MYO16: variants seen among roughly 807,000 people sequenced by gnomAD.
The protein encoded by MYO16 is unconventional myosin-XVI.
In MYO16, 94 loss-of-function variants were observed where a neutral mutation model predicts 205.3. The ratio of observed to expected loss-of-function variants is 0.46; its 90% CI spans 0.39 to 0.54. MYO16 has a LOEUF of 0.54. Ranked by LOEUF, MYO16 falls within the 20% of genes least tolerant of loss-of-function variation. The pLI is 0.00. For missense variants in MYO16, 2,315 were observed against 2,387.5 expected (o/e 0.97, Z 0.63); for synonymous variants, 988 against 954.0 (o/e 1.04, Z -0.66).
At chr13:108,574,708 T>TGTGTGTGTGC in the MYO16 span, among the ~76,000 whole-genome samples, 27 of 81,782 alleles carry the variant, frequency 3.3e-4, no homozygotes, top group African/African-American at 7.0e-4. Flanking sequence ...TGTGTGTGTG[T>TGTGTGTGTGC]GCGCTTGTGT....
Position 108,785,647 on chromosome 13 carries a change from G to A in MYO16, c.520G>A (p.Val174Ile), listed in dbSNP as rs774460438. 1.2e-6 allele frequency: 2 copies of A among 1,608,708 alleles called. No homozygotes were observed. Among genetic ancestry groups the A allele is most frequent in the Non-Finnish European group, 1.7e-6 (2 of 1,177,760 alleles). The change falls in exon 5 of 35, where the codon GTC (valine) becomes ATC (isoleucine). Residue 174 changes from valine to isoleucine, a missense_variant. Physicochemically the swap from Val to Ile is conservative, Grantham distance 29. Coordinates refer to ENST00000457511, the MANE Select transcript of MYO16 (RefSeq NM_001198950.3). ...TCTTTTTATCTAGGCTGGAGCCAAT[G>A]TCCTTCTCCAGGATGTGAATGGAAA... ...VLLLVLAGAN[V>I]LLQDVNGNIP...
chr13:108,878,508 T>G (rs1566385721), intron 12 of MYO16, among the ~76,000 whole-genome samples: 1 of 152,064 alleles, frequency 6.6e-6, no homozygotes, highest in African/African-American at 2.4e-5. Context: ...ACCCCTGCAT[T>G]CACCATCCTT....
At chr13:108,802,883 T>C (rs1417986049) in intron 6 of MYO16, among the ~76,000 whole-genome samples, 1 of 152,208 alleles carries the variant, frequency 6.6e-6, no homozygotes. Context: ...TTGATAAATG[T>C]CTGTTCAAGT....
At chr13:108,856,268 G>T (rs1382718560) in intron 11 of MYO16, among the ~76,000 whole-genome samples, 3 of 152,096 alleles carry the variant, frequency 2.0e-5, no homozygotes, top group African/African-American at 7.2e-5. Context: ...CAATCAGAAT[G>T]TCTATAAAGA....
chr13:109,147,330 C>A (rs1195118676), intron 32 of MYO16, among the ~76,000 whole-genome samples: 1 of 152,140 alleles, frequency 6.6e-6, no homozygotes, highest in Non-Finnish European at 1.5e-5. Flanking sequence ...TGTTTAGCGA[C>A]AAGATGCAGG....
intron 33 of MYO16, among the ~76,000 whole-genome samples, chr13:109,165,307 C>A (rs1878603843): frequency 6.6e-6 from 1 of 151,940 alleles, no homozygotes; most frequent in South Asian, 2.1e-4. Context: ...AAGAACTGGT[C>A]CAAAATTAGT....
chr13:108,753,029 C>T (rs1885292072), intron 4 of MYO16, among the ~76,000 whole-genome samples: 1 of 151,634 alleles, frequency 6.6e-6, no homozygotes, highest in Non-Finnish European at 1.5e-5. Flanking sequence ...ATAGATGAGA[C>T]ATTACACCAA....
intron 27 of MYO16, among the ~76,000 whole-genome samples, chr13:109,057,051 A>G (rs1229201539): frequency 2.6e-5 from 4 of 152,190 alleles, no homozygotes; most frequent in African/African-American, 9.6e-5. Context: ...AACAAAAACA[A>G]AATAAGCAAG....
chr13:108,595,682 A>T (rs1878530748), upstream of MYO16, among the ~76,000 whole-genome samples: 1 of 151,948 alleles, frequency 6.6e-6, no homozygotes, highest in Non-Finnish European at 1.5e-5. Context: ...GCAGCCTCTG[A>T]TCCTTCCAAT....
chr13:108,743,124 A>G lies in MYO16; in HGVS notation c.507+15541A>G, dbSNP rs1241529950. Among the ~76,000 whole-genome samples the G allele has an allele frequency of 2.6e-5, 4 of 152,210 alleles. No individual in the cohort carries two copies. The East Asian group carries it at 5.8e-4, about 22-fold the overall frequency. The stretch of plus-strand genomic sequence containing the variant: ...ACCATAAGAAACAAAATACTTTTAC[A>G]TTGGTATTAATTACTTTAAAGGGGT... On this transcript the variant is annotated intron_variant, in intron 4 of 34. Coordinates refer to ENST00000457511, the MANE Select transcript of MYO16 (RefSeq NM_001198950.3).
intron 4 of MYO16, among the ~76,000 whole-genome samples, chr13:108,754,780 A>C (rs1885367674): frequency 2.0e-5 from 3 of 152,138 alleles, no homozygotes; most frequent in Admixed American, 6.5e-5. Context: ...CAGCAGTGGA[A>C]TGTCACATGA....
intron 2 of MYO16, among the ~76,000 whole-genome samples, chr13:108,679,720 A>AATAAT (rs1408683414): frequency 6.7e-6 from 1 of 148,954 alleles, no homozygotes; most frequent in African/African-American, 2.5e-5. Context: ...GCAAAAAAAA[A>AATAAT]AATAATAATA....
chr13:109,167,979 T>C (rs1878757781), intron 33 of MYO16, among the ~76,000 whole-genome samples: 1 of 151,998 alleles, frequency 6.6e-6, no homozygotes, highest in Non-Finnish European at 1.5e-5. Flanking sequence ...GGCAGTAAAA[T>C]TTGGAGGGGT....
intron 33 of MYO16, among the ~76,000 whole-genome samples, chr13:109,178,343 A>C (rs1192877330): frequency 2.6e-5 from 4 of 152,064 alleles, no homozygotes; most frequent in Non-Finnish European, 5.9e-5. Flanking sequence ...TAGCTTTTCC[A>C]TACCAAGGTA....
At chr13:108,764,341 C>A (rs925489488) in intron 4 of MYO16, among the ~76,000 whole-genome samples, 3 of 152,158 alleles carry the variant, frequency 2.0e-5, no homozygotes, top group Non-Finnish European at 4.4e-5. Flanking sequence ...AAAATAGCAA[C>A]TGCTCATATT....
intron 20 of MYO16, among the ~76,000 whole-genome samples, chr13:108,969,095 G>A (rs1227631214): frequency 3.3e-5 from 5 of 152,148 alleles, no homozygotes; most frequent in Non-Finnish European, 7.4e-5. Flanking sequence ...TGAGTGAGTT[G>A]GATCTTTTTT....
chr13:109,006,491 C>G (rs1594463185), intron 21 of MYO16, among the ~76,000 whole-genome samples: 1 of 152,172 alleles, frequency 6.6e-6, no homozygotes, highest in Non-Finnish European at 1.5e-5. Flanking sequence ...CCACCCACCT[C>G]AGCCTCCCAA....
chr13:108,700,097 C>G (rs1279483304), intron 2 of MYO16, among the ~76,000 whole-genome samples: 2 of 152,072 alleles, frequency 1.3e-5, no homozygotes, highest in African/African-American at 4.8e-5. Flanking sequence ...CTTTGGGAGG[C>G]TGAGGTGGGT....
chr13:108,686,262 T>A (rs940776658), intron 2 of MYO16, among the ~76,000 whole-genome samples: 1 of 152,234 alleles, frequency 6.6e-6, no homozygotes, highest in African/African-American at 2.4e-5. Flanking sequence ...AATGTGTGAT[T>A]CGCACAGCAG....
Sources: gnomAD v4.1 joint callset for allele counts (sites outside exome capture counted in the v4.1 genomes callset) on GRCh38, gnomAD v4.1.1 for gene constraint, MANE v1.5 for transcripts, NCBI Gene and HGNC (gene_info 2026-07-23, HGNC 2026-07-21) for gene names.